CNTN5: variants seen among roughly 807,000 people sequenced by gnomAD.
The protein encoded by CNTN5 is contactin 5, also known as contactin-5.
In CNTN5, 77 loss-of-function variants were observed where a neutral mutation model predicts 129.1. That is an observed-to-expected ratio of 0.60 (90% CI 0.50 to 0.72). The LOEUF (loss-of-function observed/expected upper bound fraction) is 0.72. CNTN5 is among the 30% of genes least tolerant of loss of function. The pLI is 0.00. For missense variants in CNTN5, 1,478 were observed against 1,328.8 expected, an observed-to-expected ratio of 1.11 and a Z score of -1.75; for synonymous variants, 509 against 465.6, an observed-to-expected ratio of 1.09 and a Z score of -1.20.
At chr11:99,972,344 C>T (rs1013346196) in intron 8 of CNTN5, among the ~76,000 whole-genome samples, 1 of 60,138 alleles carries the variant, frequency 1.7e-5, no homozygotes, top group Non-Finnish European at 3.8e-5. Context: ...GTTTCTGGGG[C>T]AGTCCTAGAA....
In CNTN5 at chr11:99,172,245, A is replaced by G. The variant is rs1203129340; in HGVS notation, c.-210+150975A>G. Reference sequence around the variant, plus strand: ...AATAAGATAATTACACTAATCTCTGAGTAACTGCAAAAATGACTGATGGAT... The same window carrying G: ...AATAAGATAATTACACTAATCTCTGGGTAACTGCAAAAATGACTGATGGAT... On this transcript the variant is annotated intron_variant, in intron 1 of 24. Coordinates refer to ENST00000524871, the MANE Select transcript of CNTN5 (RefSeq NM_014361.4). Among the ~76,000 whole-genome samples, 3 of 152,208 alleles carry G rather than the reference A, an allele frequency of 2.0e-5. No individual in the cohort carries two copies. In the East Asian group the frequency reaches 5.8e-4, roughly 29 times the overall value.
At chr11:99,045,490 A>T (rs1381974393) in intron 1 of CNTN5, among the ~76,000 whole-genome samples, 2 of 152,238 alleles carry the variant, frequency 1.3e-5, no homozygotes, top group Non-Finnish European at 2.9e-5. Context: ...AAATTAATAT[A>T]GTTGTATCTG....
intron 6 of CNTN5, among the ~76,000 whole-genome samples, chr11:99,847,362 T>C (rs1285168291): frequency 6.6e-6 from 1 of 152,224 alleles, no homozygotes; most frequent in African/African-American, 2.4e-5. Context: ...GCATGGGAAA[T>C]ACTGTTTATC....
chr11:99,827,935 CAG>C (rs2135592843), intron 4 of CNTN5, among the ~76,000 whole-genome samples: 1 of 152,144 alleles, frequency 6.6e-6, no homozygotes, highest in East Asian at 1.9e-4. Context: ...GTTTATTAAA[CAG>C]AGATGTACTT....
At chr11:100,231,014 T>G (rs540287194) in intron 16 of CNTN5, among the ~76,000 whole-genome samples, 5 of 152,234 alleles carry the variant, frequency 3.3e-5, no homozygotes, top group Non-Finnish European at 5.9e-5. Flanking sequence ...AAATTCTTAG[T>G]GTGTGGGCTT....
intron 21 of CNTN5, among the ~76,000 whole-genome samples, chr11:100,338,859 G>A (rs374442131): frequency 4.6e-5 from 7 of 152,064 alleles, no homozygotes; most frequent in African/African-American, 1.2e-4. Flanking sequence ...TGCTGTCCCC[G>A]GACAGCTGTG....
At chr11:99,489,752 A>G (rs1945961918) in intron 2 of CNTN5, among the ~76,000 whole-genome samples, 1 of 152,190 alleles carries the variant, frequency 6.6e-6, no homozygotes, top group Non-Finnish European at 1.5e-5. Context: ...TCAGGAAAGT[A>G]CAGATGTTAT....
At chr11:99,133,615 C>CTAAAAAAAAAAA (rs879283937) in intron 1 of CNTN5, among the ~76,000 whole-genome samples, 2 of 105,984 alleles carry the variant, frequency 1.9e-5, no homozygotes, top group East Asian at 5.6e-4. Context: ...AGACACTTCT[C>CTAAAAAAAAAAA]AAGAAAAAAA....
chr11:99,818,202 C>A (rs950858616), intron 3 of CNTN5, among the ~76,000 whole-genome samples: 10 of 151,124 alleles, frequency 6.6e-5, no homozygotes, highest in Admixed American at 4.0e-4. Context: ...TTTTTTTAAT[C>A]AAAAATTTAG....
chr11:99,041,651 TTAC>T (rs1863987057), intron 1 of CNTN5, among the ~76,000 whole-genome samples: 1 of 152,172 alleles, frequency 6.6e-6, no homozygotes, highest in Non-Finnish European at 1.5e-5. Flanking sequence ...TCACTTAAAT[TTAC>T]TACAATAATA....
chr11:99,733,594 A>T (rs962580914), intron 3 of CNTN5, among the ~76,000 whole-genome samples: 2 of 152,114 alleles, frequency 1.3e-5, no homozygotes, highest in Non-Finnish European at 2.9e-5. Context: ...TATCCCCAAA[A>T]TACTTAATGG....
At chr11:99,744,307 C>T (rs1284632415) in intron 3 of CNTN5, among the ~76,000 whole-genome samples, 1 of 151,726 alleles carries the variant, frequency 6.6e-6, no homozygotes, top group Non-Finnish European at 1.5e-5. Context: ...AGATTGTAAA[C>T]CTCTGGCCCC....
intron 3 of CNTN5, among the ~76,000 whole-genome samples, chr11:99,770,935 G>A (rs972306265): frequency 4.6e-5 from 7 of 152,020 alleles, no homozygotes; most frequent in African/African-American, 1.4e-4. Context: ...AATCAAAAGA[G>A]TATGGTACTG....
chr11:99,560,753 A>G (rs1948816465), intron 3 of CNTN5, among the ~76,000 whole-genome samples: 1 of 152,210 alleles, frequency 6.6e-6, no homozygotes, highest in Admixed American at 6.5e-5. Flanking sequence ...CCTAAAATCC[A>G]TAAACATGTA....
chr11:99,248,466 A>G (rs1437172659), intron 1 of CNTN5, among the ~76,000 whole-genome samples: 2 of 152,022 alleles, frequency 1.3e-5, no homozygotes, highest in African/African-American at 2.4e-5. Flanking sequence ...CTTTAGTTTA[A>G]TTAGATCCCA....
intron 21 of CNTN5, among the ~76,000 whole-genome samples, chr11:100,335,305 A>G (rs1361775502): frequency 6.6e-6 from 1 of 152,246 alleles, no homozygotes; most frequent in African/African-American, 2.4e-5. Flanking sequence ...ACAGCTGCAT[A>G]TGGCAGAACT....
In CNTN5 at chr11:99,922,361, G is replaced by T. The variant is rs561605422; in HGVS notation, c.673+6212G>T. Among the ~76,000 whole-genome samples, 9 of 152,318 alleles carry T rather than the reference G, an allele frequency of 5.9e-5. No homozygotes were observed. The South Asian group carries it at 1.9e-3, about 32-fold the overall frequency. ...AGCTACAAGTCAAGATGAGATTTGA[G>T]TGGGGACACACCAAACCAAATTACA... is the stretch of plus-strand genomic sequence containing the variant. On this transcript the variant is annotated intron_variant, in intron 7 of 24. Coordinates refer to ENST00000524871, the MANE Select transcript of CNTN5 (RefSeq NM_014361.4).
intron 9 of CNTN5, among the ~76,000 whole-genome samples, chr11:100,033,707 A>G (rs1003967134): frequency 6.6e-6 from 1 of 152,198 alleles, no homozygotes; most frequent in African/African-American, 2.4e-5. Flanking sequence ...AAAGCACACA[A>G]TGCTACAGAA....
intron 4 of CNTN5, among the ~76,000 whole-genome samples, chr11:99,839,378 G>T (rs1947406273): frequency 6.6e-6 from 1 of 152,064 alleles, no homozygotes; most frequent in Non-Finnish European, 1.5e-5. Context: ...TATCGAAGGA[G>T]GCAGTGAAAT....
Sources: gnomAD v4.1 joint callset for allele counts (sites outside exome capture counted in the v4.1 genomes callset) on GRCh38, gnomAD v4.1.1 for gene constraint, MANE v1.5 for transcripts, NCBI Gene and HGNC (gene_info 2026-07-23, HGNC 2026-07-21) for gene names.